The following RGL1 variants were observed in gnomAD, a reference collection of about 807,000 sequenced individuals.
RGL1 encodes ral guanine nucleotide dissociation stimulator-like 1.
Under a neutral mutation model 95.2 loss-of-function variants are expected in RGL1, and 24 were observed. That is an observed-to-expected ratio of 0.25 (90% CI 0.18 to 0.35). The LOEUF (loss-of-function observed/expected upper bound fraction) is 0.35. Ranked by LOEUF, RGL1 falls within the 10% of genes least tolerant of loss-of-function variation. RGL1 has a pLI of 1.00. For missense variants in RGL1, 715 were observed against 936.3 expected (o/e 0.76, Z 3.08); for synonymous variants, 329 against 344.9 (o/e 0.95, Z 0.51).
chr1:183,908,010 A>G (rs777597382), intron 14 of RGL1, among the ~76,000 whole-genome samples: 2 of 152,106 alleles, frequency 1.3e-5, no homozygotes, highest in Non-Finnish European at 2.9e-5. Flanking sequence ...GAACAAAACA[A>G]AACAAAACAA....
At chr1:183,914,435 T>C (rs542376352) in intron 15 of RGL1, among the ~76,000 whole-genome samples, 2 of 152,164 alleles carry the variant, frequency 1.3e-5, no homozygotes, top group African/African-American at 2.4e-5. Flanking sequence ...GCTCCTGGAC[T>C]GCACAATCCC....
intron 2 of RGL1, among the ~76,000 whole-genome samples, chr1:183,769,403 A>G (rs1010921887): frequency 6.6e-6 from 1 of 152,256 alleles, no homozygotes; most frequent in Non-Finnish European, 1.5e-5. Flanking sequence ...TATGCTGACA[A>G]TTCCAAAGTC....
chr1:183,866,487 G>A (rs115070174), intron 4 of RGL1, among the ~76,000 whole-genome samples: 2,066 of 152,276 alleles, frequency 0.014, 39 homozygotes, highest in African/African-American at 0.048. Context: ...GGAGCACGCC[G>A]AAATGAGGTG....
intron 2 of RGL1, among the ~76,000 whole-genome samples, chr1:183,814,156 G>T (rs1661916972): frequency 6.6e-6 from 1 of 152,002 alleles, no homozygotes; most frequent in African/African-American, 2.4e-5. Flanking sequence ...ACAACATTGG[G>T]TAGAAGACAC....
chr1:183,739,489 G>A (rs574659476), intron 1 of RGL1, among the ~76,000 whole-genome samples: 3 of 152,288 alleles, frequency 2.0e-5, no homozygotes, highest in South Asian at 2.1e-4. Flanking sequence ...TTTCATTGCC[G>A]TAAAATGGTG....
intron 1 of RGL1, among the ~76,000 whole-genome samples, chr1:183,692,567 G>T (rs1654009077): frequency 6.6e-6 from 1 of 152,188 alleles, no homozygotes; most frequent in African/African-American, 2.4e-5. Flanking sequence ...CATGGTTCAG[G>T]TAGTTCACCT....
chr1:183,900,110 C>T (rs771326350), intron 10 of RGL1, 40 bp from the exon 11 acceptor site: 1 of 1,550,702 alleles, frequency 6.4e-7, no homozygotes, highest in Admixed American at 1.7e-5. Context: ...CTCAACTTTT[C>T]AATGACAATA....
At chr1:183,798,185 T>C (rs1660794636) in intron 2 of RGL1, among the ~76,000 whole-genome samples, 1 of 151,942 alleles carries the variant, frequency 6.6e-6, no homozygotes, top group African/African-American at 2.4e-5. Flanking sequence ...TCGCATGGTA[T>C]TATTATTATT....
At chr1:183,757,071 T>C (rs144398451) in intron 2 of RGL1, among the ~76,000 whole-genome samples, 2 of 151,530 alleles carry the variant, frequency 1.3e-5, no homozygotes, top group African/African-American at 4.8e-5. Flanking sequence ...TCATCCACTA[T>C]GCACTGGACT....
intron 2 of RGL1, among the ~76,000 whole-genome samples, chr1:183,827,259 C>T (rs1662930437): frequency 6.6e-6 from 1 of 152,176 alleles, no homozygotes; most frequent in Non-Finnish European, 1.5e-5. Flanking sequence ...TTTCCTTAAC[C>T]TTATTGACAC....
At chr1:183,766,811 G>C (rs913223827) in intron 2 of RGL1, among the ~76,000 whole-genome samples, 5 of 151,546 alleles carry the variant, frequency 3.3e-5, no homozygotes, top group Non-Finnish European at 5.9e-5. Context: ...TTTGAGGCTT[G>C]ACAAAGGTAG....
chr1:183,661,167 G>C (rs905353903), intron 1 of RGL1, among the ~76,000 whole-genome samples: 1,951 of 151,970 alleles, frequency 0.013, 52 homozygotes, highest in African/African-American at 0.045. Flanking sequence ...CAAGAGCAAA[G>C]ACATTCAAAA....
At chr1:183,758,506 A>G (rs1468754992) in intron 2 of RGL1, among the ~76,000 whole-genome samples, 1 of 152,038 alleles carries the variant, frequency 6.6e-6, no homozygotes, top group East Asian at 1.9e-4. Flanking sequence ...CAACAATAGA[A>G]ATTTCTCTCT....
chr1:183,897,711 T>G, intron 9 of RGL1, 97 bp from the exon 10 acceptor site: 1 of 811,838 alleles, frequency 1.2e-6, no homozygotes, highest in Admixed American at 2.2e-5. Context: ...CGAGCGAGAG[T>G]TATGCAGGGT....
intron 11 of RGL1, among the ~76,000 whole-genome samples, chr1:183,900,505 A>G (rs1443101763): frequency 6.6e-6 from 1 of 152,096 alleles, no homozygotes; most frequent in Non-Finnish European, 1.5e-5. Context: ...GGAGATGACA[A>G]TTATTATTAT....
intron 4 of RGL1, among the ~76,000 whole-genome samples, chr1:183,880,394 CCTT>C (rs1666758267): frequency 6.6e-6 from 1 of 151,618 alleles, no homozygotes; most frequent in Non-Finnish European, 1.5e-5. Context: ...CAACAAAAAA[CCTT>C]ATCAGTTTCA....
intron 1 of RGL1, among the ~76,000 whole-genome samples, chr1:183,642,340 C>T (rs1649981719): frequency 6.6e-6 from 1 of 152,092 alleles, no homozygotes; most frequent in Non-Finnish European, 1.5e-5. Flanking sequence ...AATGAGTAAA[C>T]TAAAGCTCAG....
chr1:183,916,787 A>G, intron 16 of RGL1, 86 bp downstream of exon 16: 1 of 1,436,954 alleles, frequency 7.0e-7, no homozygotes, highest in East Asian at 2.3e-5. Context: ...ATAGCCCTAA[A>G]TATGCACACT....
chr1:183,702,120 AGTTT>A (rs895149983), intron 1 of RGL1, among the ~76,000 whole-genome samples: 1 of 152,188 alleles, frequency 6.6e-6, no homozygotes, highest in Non-Finnish European at 1.5e-5. Flanking sequence ...AGAGAATGAA[AGTTT>A]GTTTTTTATC....
Sources: gnomAD v4.1 joint callset for allele counts (sites outside exome capture counted in the v4.1 genomes callset) on GRCh38, gnomAD v4.1.1 for gene constraint, MANE v1.5 for transcripts, NCBI Gene and HGNC (gene_info 2026-07-23, HGNC 2026-07-21) for gene names.